STARD13: variants seen among roughly 807,000 people sequenced by gnomAD.
The protein encoded by STARD13 is stAR-related lipid transfer protein 13.
Under a neutral mutation model 106.4 loss-of-function variants are expected in STARD13, and 62 were observed. The observed-to-expected ratio is 0.58, with a 90% confidence interval of 0.48 to 0.72. The LOEUF is 0.72. Among genes scored for constraint, STARD13 ranks in the 30% least tolerant of loss-of-function variants. The probability of loss-of-function intolerance (pLI) is 0.00; values close to 1 mark genes in which losing one functional copy is unlikely to be tolerated. For missense variants in STARD13, 1,387 were observed against 1,424.0 expected, an observed-to-expected ratio of 0.97 and a Z score of 0.42; for synonymous variants, 565 against 553.0, an observed-to-expected ratio of 1.02 and a Z score of -0.31.
the STARD13 span, chr13:33,676,654 G>A: frequency 6.6e-6 from 1 of 152,162 alleles, no homozygotes; most frequent in Non-Finnish European, 1.5e-5. Context: ...CAAAGTTCAA[G>A]AATTGTGGCT....
At chr13:33,598,107 G>T in the STARD13 span, among the ~76,000 whole-genome samples, 1 of 152,060 alleles carries the variant, frequency 6.6e-6, no homozygotes, top group African/African-American at 2.4e-5. Flanking sequence ...GGTGTTCATG[G>T]TCTCTTCTAC....
At chr13:33,120,566 CGT>C (rs1876125989) in intron 7 of STARD13, among the ~76,000 whole-genome samples, 1 of 151,910 alleles carries the variant, frequency 6.6e-6, no homozygotes, top group Admixed American at 6.6e-5. Context: ...GAAATATAGA[CGT>C]ATATATATAT....
At chr13:33,321,797 C>T (rs1893569531) in intron 1 of STARD13, among the ~76,000 whole-genome samples, 1 of 152,210 alleles carries the variant, frequency 6.6e-6, no homozygotes, top group South Asian at 2.1e-4. Flanking sequence ...AAATTCATCT[C>T]CTCTGAGAAG....
rs73459205 is a variant in STARD13 at position 33,172,571 on chromosome 13, C to T, written c.170-4949G>A. 3.1e-3 allele frequency among the ~76,000 whole-genome samples: 479 copies of T among 152,296 alleles called. 3 individuals carry two copies. The highest frequency in any genetic ancestry group is 0.011 in the African/African-American group (445 of 41,548). ...TGCAGGCCTCATCTCACATTACAAC[C>T]TCATTGTATTTTTAAGCTGGTGTGT... is the stretch of plus-strand genomic sequence containing the variant. On this transcript the variant is annotated intron_variant, in intron 1 of 13. Transcript: ENST00000336934.
the STARD13 span, among the ~76,000 whole-genome samples, chr13:33,527,147 T>C: frequency 6.6e-6 from 1 of 152,152 alleles, no homozygotes; most frequent in African/African-American, 2.4e-5. Context: ...TATCTTTGTA[T>C]TGCAAAATAA....
the STARD13 span, among the ~76,000 whole-genome samples, chr13:33,408,715 C>A: frequency 6.6e-6 from 1 of 152,086 alleles, no homozygotes; most frequent in African/African-American, 2.4e-5. Context: ...AAAGATCTGG[C>A]CTTGGCTGAT....
chr13:33,259,421 C>T (rs1244413769), intron 1 of STARD13, among the ~76,000 whole-genome samples: 2 of 152,168 alleles, frequency 1.3e-5, no homozygotes, highest in Non-Finnish European at 1.5e-5. Flanking sequence ...AAATGGGACT[C>T]TCAGCAATGC....
the STARD13 span, among the ~76,000 whole-genome samples, chr13:33,377,821 C>T: frequency 6.6e-6 from 1 of 152,030 alleles, no homozygotes; most frequent in Non-Finnish European, 1.5e-5. Context: ...GTCCTAAACC[C>T]AGAGGTTGGG....
the STARD13 span, among the ~76,000 whole-genome samples, chr13:33,537,649 C>G: frequency 2.0e-5 from 3 of 152,020 alleles, no homozygotes; most frequent in Admixed American, 6.6e-5. Flanking sequence ...CAAATCCACT[C>G]TCGGGCTTGG....
the STARD13 span, among the ~76,000 whole-genome samples, chr13:33,653,452 A>C: frequency 3.3e-5 from 5 of 152,202 alleles, no homozygotes; most frequent in African/African-American, 1.2e-4. Flanking sequence ...TCAACAAATG[A>C]TGCTGAGACA....
the STARD13 span, among the ~76,000 whole-genome samples, chr13:33,590,140 C>T: frequency 6.6e-6 from 1 of 152,138 alleles, no homozygotes; most frequent in Admixed American, 6.5e-5. Context: ...AAATCAAAAC[C>T]ACAATGAGAT....
intron 1 of STARD13, among the ~76,000 whole-genome samples, chr13:33,282,716 G>A (rs922610850): frequency 4.6e-5 from 7 of 152,182 alleles, no homozygotes; most frequent in African/African-American, 1.7e-4. Context: ...ATTTGCACAT[G>A]ATTAATGGAA....
intron 1 of STARD13, among the ~76,000 whole-genome samples, chr13:33,339,637 C>A (rs992963367): frequency 1.5e-4 from 23 of 152,212 alleles, no homozygotes; most frequent in Middle Eastern, 3.2e-3. Context: ...AAATCAAACA[C>A]TTAGCACAAA....
In STARD13 at chr13:33,167,581, C is replaced by T. The variant is rs1161490615; in HGVS notation, c.211G>A (p.Gly71Arg). 1 of 1,614,138 alleles carries T rather than the reference C, an allele frequency of 6.2e-7. No homozygotes were observed. Residue 71 changes from glycine to arginine, a missense_variant, in exon 2 of 14, where the codon GGG becomes AGG. Gly to Arg is a moderately radical substitution (Grantham distance 125). Transcript: ENST00000336934. ...KEACDWLRAA[G>R]FPQYAQLYED... Reference sequence around the variant, plus strand: ...TATAACTGAGCGTATTGCGGGAACCCGGCAGCACGGAGCCAGTCACATGCT... The same window carrying T: ...TATAACTGAGCGTATTGCGGGAACCTGGCAGCACGGAGCCAGTCACATGCT...
the STARD13 span, among the ~76,000 whole-genome samples, chr13:33,499,106 C>T: frequency 6.6e-6 from 1 of 152,160 alleles, no homozygotes; most frequent in African/African-American, 2.4e-5. Flanking sequence ...CCATTGCACT[C>T]CAGCCTGGGC....
the STARD13 span, among the ~76,000 whole-genome samples, chr13:33,404,488 A>G: frequency 6.6e-6 from 1 of 152,202 alleles, no homozygotes; most frequent in African/African-American, 2.4e-5. Context: ...TGCTGTTTAG[A>G]ATGCATGGCT....
chr13:33,167,690 C>T, intron 1 of STARD13, 68 bp from the exon 2 acceptor site: 1 of 1,463,090 alleles, frequency 6.8e-7, no homozygotes, highest in Non-Finnish European at 9.6e-7. Context: ...CCTTCTTAAT[C>T]ATGGAGACAC....
At chr13:33,627,552 A>G in the STARD13 span, among the ~76,000 whole-genome samples, 1 of 150,614 alleles carries the variant, frequency 6.6e-6, no homozygotes, top group African/African-American at 2.4e-5. Context: ...CAGGAGAATC[A>G]CTCGAACCTG....
chr13:33,186,294 A>G (rs915325515), intron 1 of STARD13, among the ~76,000 whole-genome samples: 1 of 152,214 alleles, frequency 6.6e-6, no homozygotes, highest in Non-Finnish European at 1.5e-5. Flanking sequence ...TCAAACCCCT[A>G]AAGAGGACTA....
Sources: gnomAD v4.1 joint callset for allele counts (sites outside exome capture counted in the v4.1 genomes callset) on GRCh38, gnomAD v4.1.1 for gene constraint, MANE v1.5 for transcripts, NCBI Gene and HGNC (gene_info 2026-07-23, HGNC 2026-07-21) for gene names.